CEP128: variants seen among roughly 807,000 people sequenced by gnomAD.
CEP128 encodes the protein centrosomal protein 128kDa.
Under a neutral mutation model 156.7 loss-of-function variants are expected in CEP128, and 132 were observed. That is an observed-to-expected ratio of 0.84 (90% CI 0.73 to 0.97). The LOEUF (loss-of-function observed/expected upper bound fraction) is 0.97. CEP128 is among the 50% of genes least tolerant of loss of function. The probability of loss-of-function intolerance (pLI) is 0.00; values close to 1 mark genes in which losing one functional copy is unlikely to be tolerated. For synonymous variants in CEP128, 469 were observed against 448.9 expected (o/e 1.04, Z -0.57); for missense variants, 1,252 against 1,281.9 (o/e 0.98, Z 0.36).
intron 23 of CEP128, among the ~76,000 whole-genome samples, chr14:80,514,257 T>C (rs1293811472): frequency 1.3e-5 from 2 of 152,194 alleles, no homozygotes; most frequent in Non-Finnish European, 2.9e-5. Context: ...CCCAACCACC[T>C]TGGGCACATG....
At chr14:80,621,350 T>G (rs1311125474) in intron 19 of CEP128, among the ~76,000 whole-genome samples, 1 of 152,182 alleles carries the variant, frequency 6.6e-6, no homozygotes, top group Non-Finnish European at 1.5e-5. Flanking sequence ...TAATATGTAT[T>G]GTCTTTCCTC....
intron 9 of CEP128, among the ~76,000 whole-genome samples, chr14:80,855,720 G>A (rs1030050269): frequency 1.3e-5 from 2 of 152,138 alleles, no homozygotes; most frequent in South Asian, 4.1e-4. Context: ...CAAAGTAGGG[G>A]AGTCTGGAAA....
chr14:80,603,581 C>T (rs953604102), intron 19 of CEP128, among the ~76,000 whole-genome samples: 7 of 152,192 alleles, frequency 4.6e-5, no homozygotes, highest in African/African-American at 1.7e-4. Context: ...TGGGATCAGT[C>T]ACATGGGTCT....
intron 21 of CEP128, among the ~76,000 whole-genome samples, chr14:80,538,250 T>C (rs558762745): frequency 1.3e-5 from 2 of 152,230 alleles, no homozygotes; most frequent in East Asian, 1.9e-4. Context: ...TAATAAAAAC[T>C]AGTCAACAGA....
At chr14:80,750,765 T>C (rs1007386173) in intron 18 of CEP128, among the ~76,000 whole-genome samples, 4 of 152,096 alleles carry the variant, frequency 2.6e-5, no homozygotes, top group Non-Finnish European at 5.9e-5. Context: ...AACAAAACAA[T>C]AACAACAACA....
At chr14:80,571,587 A>G (rs1174181902) in intron 20 of CEP128, among the ~76,000 whole-genome samples, 11 of 152,194 alleles carry the variant, frequency 7.2e-5, no homozygotes, top group Non-Finnish European at 2.9e-5. Context: ...ATAAAAGTAA[A>G]AAGTATAAGA....
At chr14:80,517,088 GTTC>G (rs1888524143) in intron 23 of CEP128, among the ~76,000 whole-genome samples, 1 of 151,184 alleles carries the variant, frequency 6.6e-6, no homozygotes, top group Non-Finnish European at 1.5e-5. Flanking sequence ...CTGTAGTAAT[GTTC>G]TTCTTTCATT....
chr14:80,815,617 G>T (rs1054306606), intron 13 of CEP128, among the ~76,000 whole-genome samples: 1 of 152,194 alleles, frequency 6.6e-6, no homozygotes, highest in Admixed American at 6.5e-5. Context: ...ACCTGCACTT[G>T]TATGTTTATT....
At chr14:80,568,315 G>T (rs1383142733) in intron 20 of CEP128, among the ~76,000 whole-genome samples, 1 of 152,074 alleles carries the variant, frequency 6.6e-6, no homozygotes, top group African/African-American at 2.4e-5. Flanking sequence ...TTACAGCACT[G>T]GATTGTTAAC....
rs368988810 is a variant in CEP128, at chr14:80,892,364, A to G, written c.645+3354T>C. Among the ~76,000 whole-genome samples, 6 of 152,066 alleles carry G rather than the reference A, an allele frequency of 3.9e-5. No homozygotes were observed. In the East Asian group the frequency reaches 1.2e-3, roughly 29 times the overall value. On this transcript the variant is annotated intron_variant, in intron 8 of 24. Transcript: ENST00000555265. ...AGAAAACTGGAATTTCACACACAAA[A>G]GAATCTGAACCTTATACCATACATA...
chr14:80,520,137 G>A (rs1198745991), intron 23 of CEP128, among the ~76,000 whole-genome samples: 1 of 152,154 alleles, frequency 6.6e-6, no homozygotes, highest in Non-Finnish European at 1.5e-5. Flanking sequence ...ACCCAAAGCA[G>A]GCCAGACTCA....
At chr14:80,579,639 G>C (rs1329352037) in intron 20 of CEP128, among the ~76,000 whole-genome samples, 4 of 152,068 alleles carry the variant, frequency 2.6e-5, no homozygotes, top group Non-Finnish European at 5.9e-5. Flanking sequence ...TGTAGCTCCA[G>C]GCCCATGAAG....
intron 8 of CEP128, among the ~76,000 whole-genome samples, chr14:80,878,207 G>T (rs1888373361): frequency 1.3e-5 from 2 of 152,144 alleles, no homozygotes; most frequent in African/African-American, 2.4e-5. Flanking sequence ...AGGCTCTACT[G>T]ACTCACGTAG....
chr14:80,557,797 A>G (rs1890498108), intron 21 of CEP128, among the ~76,000 whole-genome samples: 1 of 152,148 alleles, frequency 6.6e-6, no homozygotes, highest in Admixed American at 6.5e-5. Context: ...TTCATTTTTT[A>G]TTAACCTTAT....
chr14:80,913,190 C>G (rs754621447), intron 4 of CEP128, among the ~76,000 whole-genome samples: 1 of 150,678 alleles, frequency 6.6e-6, no homozygotes, highest in Non-Finnish European at 1.5e-5. Flanking sequence ...TCCTTTAACC[C>G]TGCAATTCTA....
chr14:80,788,496 C>A (rs10140767), intron 14 of CEP128, among the ~76,000 whole-genome samples: 4,047 of 152,042 alleles, frequency 0.027, 178 homozygotes, highest in African/African-American at 0.092. Context: ...TTTAGACAGA[C>A]CAGTTTCAAC....
At chr14:80,512,852 C>G (rs1264631211) in intron 23 of CEP128, among the ~76,000 whole-genome samples, 1 of 151,904 alleles carries the variant, frequency 6.6e-6, no homozygotes, top group East Asian at 1.9e-4. Flanking sequence ...AAAGAGAAAA[C>G]CAATAAAAAC....
chr14:80,631,914 G>T (rs2140730615), intron 19 of CEP128, among the ~76,000 whole-genome samples: 1 of 152,052 alleles, frequency 6.6e-6, no homozygotes, highest in South Asian at 2.1e-4. Context: ...CCCCCTCAGT[G>T]ATATATCCAA....
intron 19 of CEP128, among the ~76,000 whole-genome samples, chr14:80,735,353 A>G (rs1898479121): frequency 6.6e-6 from 1 of 152,232 alleles, no homozygotes; most frequent in Non-Finnish European, 1.5e-5. Flanking sequence ...AAATACGTAT[A>G]CCTAGGCATA....
Sources: allele counts gnomAD v4.1 joint callset (sites outside exome capture counted in the v4.1 genomes callset), GRCh38; gene constraint gnomAD v4.1.1; transcripts MANE v1.5; gene names NCBI Gene and HGNC (gene_info 2026-07-23, HGNC 2026-07-21).